KMT2D: variants seen among roughly 807,000 people sequenced by gnomAD.
KMT2D encodes the protein lysine methyltransferase 2D.
Under a neutral mutation model 512.7 loss-of-function variants are expected in KMT2D, and 55 were observed. The ratio of observed to expected loss-of-function variants is 0.11; its 90% CI spans 0.09 to 0.13. The LOEUF (loss-of-function observed/expected upper bound fraction) is 0.13. Ranked by LOEUF, KMT2D falls within the 10% of genes least tolerant of loss-of-function variation. The pLI is 1.00. For missense variants in KMT2D, 6,061 were observed against 7,127.9 expected, an observed-to-expected ratio of 0.85 and a Z score of 5.39; for synonymous variants, 2,995 against 2,904.0, an observed-to-expected ratio of 1.03 and a Z score of -1.01.
In KMT2D at chr12:49,053,016, C is replaced by T. The variant is rs368882441; in HGVS notation, c.1011G>A (p.Ser337=). Residue 337 remains serine, a synonymous_variant, in exon 9 of 55, where the codon TCG becomes TCA. Transcript: ENST00000301067. ...AGAGAGAGTAGTTCTCAAACCACTCCGAGTTGGGATTCAGTTCTGCTGAGC... is the reference window on the plus strand; with the variant it reads ...AGAGAGAGTAGTTCTCAAACCACTCTGAGTTGGGATTCAGTTCTGCTGAGC... ...GAGSAELNPN[S]EWFENYSLCH... The T allele has an allele frequency of 2.0e-5, 32 of 1,614,020 alleles. No individual in the cohort carries two copies. The African/African-American group carries it at 3.3e-4, about 17-fold the overall frequency.
In KMT2D at chr12:49,049,211, C is replaced by T. The variant is rs1424469118; in HGVS notation, c.3914G>A (p.Ser1305Asn). Residue 1305 changes from serine (S) to asparagine (N), a missense_variant, in exon 13 of 55, where the codon AGC becomes AAC. Around this residue, in one of 16 missense-constraint regions of KMT2D, gnomAD observed 447 missense variants for 500.1 expected, o/e 0.89. Transcript: ENST00000301067. The stretch of plus-strand genomic sequence containing the variant: ...CCGGCGTCTTCCTGGGAAACTGCTG[C>T]TGCGACCCTGAGTGAAAGAAGGGGA... Reference protein sequence around the residue: ...PARSRIKQGRSSSFPGRRRPR... With the variant: ...PARSRIKQGRNSSFPGRRRPR... 1.3e-6 allele frequency: 2 copies of T among 1,597,608 alleles called. No individual in the cohort carries two copies. The highest frequency in any genetic ancestry group is 1.7e-6 in the Non-Finnish European group (2 of 1,170,446).
In KMT2D at chr12:49,029,419, T is replaced by C; in HGVS notation, c.14057A>G (p.Asn4686Ser). ...LLAALPTPPH[N>S]QTEDVRMESD... ...CCCCTACCTGACATCCTCAGTCTGA[T>C]TGTGAGGGGGTGTAGGCAAGGCAGC... Residue 4686 changes from asparagine to serine, a missense_variant, in exon 44 of 55, where the codon AAT becomes AGT. Asn to Ser is a conservative substitution (Grantham distance 46). Transcript: ENST00000301067. 2 of 1,557,770 alleles carry C rather than the reference T, an allele frequency of 1.3e-6. No homozygotes were observed. Among genetic ancestry groups the C allele is most frequent in the Non-Finnish European group, 1.7e-6 (2 of 1,149,982 alleles).
In KMT2D at chr12:49,046,675, C is replaced by T; in HGVS notation, c.4352G>A (p.Ser1451Asn). 6.2e-7 allele frequency: 1 copy of T among 1,613,890 alleles called. No homozygotes were observed. The highest frequency in any genetic ancestry group is 8.5e-7 in the Non-Finnish European group (1 of 1,179,856). ...GGGGTCCAGGCAGTATGTGTGGTAGCTAATATCACAGTCATCACAGAGCAG... is the reference window on the plus strand; with the variant it reads ...GGGGTCCAGGCAGTATGTGTGGTAGTTAATATCACAGTCATCACAGAGCAG... ...RLLLCDDCDI[S>N]YHTYCLDPPL... Residue 1451 changes from serine to asparagine, a missense_variant, in exon 16 of 55, where the codon AGC becomes AAC. Physicochemically the swap from Ser to Asn is conservative, Grantham distance 46. Transcript: ENST00000301067. The surrounding 1 kb of genome is among the most constrained non-coding windows in gnomAD (Gnocchi z 4.2).
intron 43 of KMT2D, among the ~76,000 whole-genome samples, chr12:49,029,677 GTTT>G (rs33963995): frequency 8.3e-5 from 11 of 132,078 alleles, no homozygotes; most frequent in South Asian, 2.5e-4. Context: ...TGTTTTTTTT[GTTT>G]TTTTTTTTTT....
In KMT2D at chr12:49,034,113, T is replaced by C. The variant is rs1943095697; in HGVS notation, c.10694A>G (p.Lys3565Arg). Residue 3565 changes from lysine to arginine, a missense_variant, in exon 39 of 55, where the codon AAG becomes AGG. By Grantham distance (26) the Lys-to-Arg change is conservative (BLOSUM62 2). Transcript: ENST00000301067. ...EFPEADAEKLKLVTEQQSKIQ... is the reference protein window; with the variant it reads ...EFPEADAEKLRLVTEQQSKIQ... Reference sequence around the variant, plus strand: ...CTTGCTCTGCTGCTCTGTAACCAGCTTGAGCTTCTCAGCATCAGCTTCTGG... The same window carrying C: ...CTTGCTCTGCTGCTCTGTAACCAGCCTGAGCTTCTCAGCATCAGCTTCTGG... The C allele has an allele frequency of 6.2e-7, 1 of 1,613,050 alleles. No individual in the cohort carries two copies. The highest frequency in any genetic ancestry group is 1.7e-5 in the Admixed American group (1 of 60,014).
At chr12:49,043,476 GCCCAGAACAGGTCTCCAGT>G (rs1281421937) in intron 24 of KMT2D, 48 bp from the exon 25 acceptor site, 1 of 1,599,388 alleles carries the variant, frequency 6.3e-7, no homozygotes, top group Non-Finnish European at 8.6e-7. Flanking sequence ...TACATCTGAT[GCCCAGAACAGGTCTCCAGT>G]CCCACAGCCC....
Position 49,044,591 on chromosome 12 carries a change from C to T in KMT2D, c.4964-69G>A. ...GGCCCTTTTAACCTTGTCATCCTGC[C>T]ACTGAGAGAGCTGAATACCTTGCCT... On this transcript the variant is annotated intron_variant, in intron 20 of 54. Coordinates refer to ENST00000301067, the MANE Select transcript of KMT2D (RefSeq NM_003482.4). The surrounding 1 kb of genome is among the most constrained non-coding windows in gnomAD (Gnocchi z 6.4). 3 of 1,586,488 alleles carry T rather than the reference C, an allele frequency of 1.9e-6. No homozygotes were observed. Among genetic ancestry groups the T allele is most frequent in the Non-Finnish European group, 2.6e-6 (3 of 1,165,388 alleles).
Position 49,044,692 on chromosome 12 carries a change from C to T in KMT2D, c.4963+52G>A, listed in dbSNP as rs1943703370. The T allele has an allele frequency of 1.9e-6, 3 of 1,576,960 alleles. No homozygotes were observed. In the East Asian group the frequency reaches 6.8e-5, roughly 36 times the overall value. On this transcript the variant is annotated intron_variant, in intron 20 of 54. Transcript: ENST00000301067. The surrounding 1 kb of genome is among the most constrained non-coding windows in gnomAD (Gnocchi z 6.4). ...GTAGCCCCCACCCAACATCCCACTC[C>T]CAGAGTCACGCTCCCCCTACTCTGC...
rs761252949 is a variant in KMT2D at position 49,034,386 on chromosome 12, C to G, written c.10507+24G>C. 1.9e-6 allele frequency: 3 copies of G among 1,613,596 alleles called. No individual in the cohort carries two copies. In the East Asian group the frequency reaches 6.7e-5, roughly 36 times the overall value. On this transcript the variant is annotated intron_variant, in intron 38 of 54. Coordinates refer to ENST00000301067, the MANE Select transcript of KMT2D (RefSeq NM_003482.4). ...TATGACCCAAACCACTCCCCTGCACCTTCCTCCCACGCCCCATACTCACTG... is the reference window on the plus strand; with the variant it reads ...TATGACCCAAACCACTCCCCTGCACGTTCCTCCCACGCCCCATACTCACTG...
In KMT2D at chr12:49,041,731, G is replaced by A. The variant is rs1287896070; in HGVS notation, c.6184-26C>T. 2 of 1,601,806 alleles carry A rather than the reference G, an allele frequency of 1.2e-6. No individual in the cohort carries two copies. Among genetic ancestry groups the A allele is most frequent in the Non-Finnish European group, 1.7e-6 (2 of 1,173,672 alleles). ...CTGAGGGATATGGGACACAGCCTTAGGGCCTAGTGCTTGGTCTCATGCCCC... is the reference window on the plus strand; with the variant it reads ...CTGAGGGATATGGGACACAGCCTTAAGGCCTAGTGCTTGGTCTCATGCCCC... On this transcript the variant is annotated intron_variant, in intron 30 of 54. Transcript: ENST00000301067. The surrounding 1 kb of genome is among the most constrained non-coding windows in gnomAD (Gnocchi z 5.4).
Position 49,049,110 on chromosome 12 carries a change from G to A in KMT2D, c.4015C>T (p.Leu1339=), listed in dbSNP as rs1342199725. 3 of 1,597,136 alleles carry A rather than the reference G, an allele frequency of 1.9e-6. No individual in the cohort carries two copies. In the Admixed American group the frequency reaches 5.0e-5, roughly 27 times the overall value. Residue 1339 remains leucine, a synonymous_variant, in exon 13 of 55, where the codon CTG becomes TTG. Transcript: ENST00000301067. ...LKSTASSIET[L]VVADIDSSPS... is the part of the protein sequence containing the mutation. ...AATAGGAGGCATCTCCTTACTACCAGAGTCTCAATGGAAGAAGCAGTTGAC... is the reference window on the plus strand; with the variant it reads ...AATAGGAGGCATCTCCTTACTACCAAAGTCTCAATGGAAGAAGCAGTTGAC...
At position 49,046,863 on chromosome 12, in the gene KMT2D, G is replaced by A. The variant is rs2120614103; in HGVS notation, c.4237-73C>T. ...TAGAACTTCTTTTTATTTTTTTTTG[G>A]AGATGGAGTTTTGCTCTTGTTCCCC... On this transcript the variant is annotated intron_variant, in intron 15 of 54. Transcript: ENST00000301067. This position sits in a 1 kb window ranked among gnomAD's most constrained non-coding sequence, Gnocchi z 4.2. 7.1e-7 allele frequency: 1 copy of A among 1,417,000 alleles called. No individual in the cohort carries two copies. The allele number at this position is 1,417,000 out of a possible 1,614,324, so 87.8% of individuals were successfully genotyped here. A position where few individuals can be genotyped will look rare whatever the true frequency, so the allele number is the denominator to read the frequency against.
chr12:49,055,406 CA>C (rs1484687336), intron 1 of KMT2D, 45 bp from the exon 2 acceptor site: 1 of 1,324,692 alleles, frequency 7.5e-7, no homozygotes, highest in East Asian at 2.3e-5. Flanking sequence ...TAAGTCTTCC[CA>C]AGAAGCATTT....
rs2120499321 is a variant in KMT2D, at chr12:49,038,516, T to G, written c.8840A>C (p.His2947Pro). 6.2e-7 allele frequency: 1 copy of G among 1,608,244 alleles called. No individual in the cohort carries two copies. The highest frequency in any genetic ancestry group is 8.5e-7 in the Non-Finnish European group (1 of 1,175,710). The change falls in exon 35 of 55, where the codon CAT becomes CCT. Residue 2947 changes from histidine (H) to proline (P), a missense_variant. His to Pro is a moderately conservative substitution (Grantham distance 77). This residue lies in a region of KMT2D where 527 missense variants were observed against 578.9 expected (regional missense o/e 0.91). Coordinates refer to ENST00000301067, the MANE Select transcript of KMT2D (RefSeq NM_003482.4). The surrounding 1 kb of genome is among the most constrained non-coding windows in gnomAD (Gnocchi z 5.7). ...PPAPELNNSL[H>P]PTPHTKGPTL... ...AGGACCCTTGGTGTGGGGTGTTGGA[T>G]GAAGACTGTTGTTCAATTCAGGGGC...
At chr12:49,035,379 G>A (rs1219649645) in intron 35 of KMT2D, among the ~76,000 whole-genome samples, 1 of 152,170 alleles carries the variant, frequency 6.6e-6, no homozygotes, top group Non-Finnish European at 1.5e-5. Context: ...CTGTTGCAAA[G>A]CCCTAGATTC....
At chr12:49,043,599 G>T (rs2120570677) in intron 24 of KMT2D, 36 bp downstream of exon 24, 1 of 1,610,638 alleles carries the variant, frequency 6.2e-7, no homozygotes, top group African/African-American at 1.3e-5. Flanking sequence ...GAAGAAAGTT[G>T]GATTCTCTCA....
rs1942911334 is a variant in KMT2D at position 49,031,558 on chromosome 12, G to A, written c.13147C>T (p.Leu4383=). 6.2e-7 allele frequency: 1 copy of A among 1,602,342 alleles called. No homozygotes were observed. Among genetic ancestry groups the A allele is most frequent in the Non-Finnish European group, 8.5e-7 (1 of 1,174,334 alleles). Residue 4383 remains leucine (L), a synonymous_variant, in exon 40 of 55, where the codon CTA becomes TTA. Coordinates refer to ENST00000301067, the MANE Select transcript of KMT2D (RefSeq NM_003482.4). ...GLGPWDPPDN[L]AETQKPEQSS... is the part of the protein sequence containing the mutation. Reference sequence around the variant, plus strand: ...TGCTCTGGCTTCTGGGTTTCTGCTAGGTTGTCTGGGGGATCCCAAGGTCCC... The same window carrying A: ...TGCTCTGGCTTCTGGGTTTCTGCTAAGTTGTCTGGGGGATCCCAAGGTCCC...
chr12:49,021,937 TATGA>T lies in KMT2D; in HGVS notation c.16522-69_16522-66del, dbSNP rs1304382071. On this transcript the variant is annotated intron_variant, in intron 54 of 54. Coordinates refer to ENST00000301067, the MANE Select transcript of KMT2D (RefSeq NM_003482.4). ...CAGGAAGAGGGGAGGCCAGAGAAGA[TATGA>T]TCTGAGGTGCCCAGCCTAGGAATCC... is the stretch of plus-strand genomic sequence containing the variant. 4.1e-5 allele frequency: 64 copies of T among 1,567,356 alleles called. No homozygotes were observed. The African/African-American group carries it at 8.0e-4, about 20-fold the overall frequency.
intron 46 of KMT2D, 127 bp downstream of exon 46, chr12:49,028,700 AG>A: frequency 1.6e-6 from 2 of 1,244,940 alleles, no homozygotes; most frequent in Non-Finnish European, 2.2e-6. Context: ...CCTCTAGCCC[AG>A]GCTTTCACAT....
Sources: allele counts gnomAD v4.1 joint callset (sites outside exome capture counted in the v4.1 genomes callset), GRCh38; gene constraint gnomAD v4.1.1; regional missense constraint gnomAD v4.1.1; non-coding constraint Gnocchi (gnomAD v3.1); transcripts MANE v1.5; gene names NCBI Gene and HGNC (gene_info 2026-07-23, HGNC 2026-07-21).